ULK4: variants seen among roughly 807,000 people sequenced by gnomAD.
ULK4 encodes unc-51 like kinase 4.
Under a neutral mutation model 160.6 loss-of-function variants are expected in ULK4, and 133 were observed. That is an observed-to-expected ratio of 0.83 (90% CI 0.72 to 0.96). The LOEUF is 0.96. ULK4 is among the 40% of genes least tolerant of loss of function. The pLI is 0.00. For synonymous variants in ULK4, 534 were observed against 539.8 expected, an observed-to-expected ratio of 0.99 and a Z score of 0.15; for missense variants, 1,580 against 1,499.5, an observed-to-expected ratio of 1.05 and a Z score of -0.89.
At chr3:41,625,306 G>A (rs1304554681) in intron 30 of ULK4, among the ~76,000 whole-genome samples, 1 of 151,970 alleles carries the variant, frequency 6.6e-6, no homozygotes, top group African/African-American at 2.4e-5. Flanking sequence ...TGATATCCAC[G>A]GATTTAAGGA....
At chr3:41,376,527 C>G (rs1269059308) in intron 35 of ULK4, among the ~76,000 whole-genome samples, 1 of 149,982 alleles carries the variant, frequency 6.7e-6, no homozygotes, top group African/African-American at 2.5e-5. Context: ...TCAGCAAAGT[C>G]TCAGGATACA....
intron 35 of ULK4, among the ~76,000 whole-genome samples, chr3:41,328,997 A>G (rs10212411): frequency 0.24 from 36,021 of 152,134 alleles, 4,420 homozygotes; most frequent in African/African-American, 0.27. Flanking sequence ...TCACCACCAC[A>G]ATCAAGATAA....
At chr3:41,411,889 G>A (rs1177321089) in intron 34 of ULK4, among the ~76,000 whole-genome samples, 2 of 151,812 alleles carry the variant, frequency 1.3e-5, no homozygotes, top group African/African-American at 4.8e-5. Flanking sequence ...CTGAAATTAC[G>A]AAGACAGACA....
At chr3:41,662,341 G>A (rs1019339196) in intron 30 of ULK4, among the ~76,000 whole-genome samples, 51 of 152,262 alleles carry the variant, frequency 3.3e-4, no homozygotes, top group Middle Eastern at 3.4e-3. Flanking sequence ...TATTTGCATG[G>A]CATCCTTTGG....
intron 35 of ULK4, among the ~76,000 whole-genome samples, chr3:41,279,255 T>TAAAAAAAAAAAAAAAAAAAAAAAA (rs771175184): frequency 2.3e-5 from 1 of 43,072 alleles, no homozygotes; most frequent in Non-Finnish European, 4.3e-5. Context: ...AAAAAAAGAG[T>TAAAAAAAAAAAAAAAAAAAAAAAA]AAAAAAAAAA....
chr3:41,520,848 T>G (rs1479948298), intron 32 of ULK4, among the ~76,000 whole-genome samples: 1 of 152,264 alleles, frequency 6.6e-6, no homozygotes, highest in African/African-American at 2.4e-5. Context: ...AGCAGCCATT[T>G]GTATACTGTC....
intron 31 of ULK4, among the ~76,000 whole-genome samples, chr3:41,596,414 G>A (rs1309285819): frequency 1.3e-5 from 2 of 152,196 alleles, no homozygotes; most frequent in African/African-American, 4.8e-5. Context: ...TCTGGCAGAT[G>A]AGTAAGATAC....
Position 41,475,419 on chromosome 3 carries a change from T to C in ULK4, c.3227-12166A>G, listed in dbSNP as rs1375052181. The stretch of plus-strand genomic sequence containing the variant: ...AAATAAGATTTTTTTCTTTGACATA[T>C]AATGCACAGCATGGTGAATATAGTA... On this transcript the variant is annotated intron_variant, in intron 32 of 36. Transcript: ENST00000301831. Among the ~76,000 whole-genome samples, 3 of 152,164 alleles carry C rather than the reference T, an allele frequency of 2.0e-5. No individual in the cohort carries two copies. The East Asian group carries it at 5.8e-4, about 29-fold the overall frequency.
At chr3:41,851,153 C>T (rs1043650157) in intron 17 of ULK4, among the ~76,000 whole-genome samples, 1 of 152,082 alleles carries the variant, frequency 6.6e-6, no homozygotes, top group African/African-American at 2.4e-5. Context: ...CTGTCTTGTG[C>T]CAGTTTTCAA....
chr3:41,444,089 G>C (rs901683741), intron 34 of ULK4, among the ~76,000 whole-genome samples: 4 of 152,050 alleles, frequency 2.6e-5, no homozygotes, highest in Admixed American at 6.6e-5. Context: ...ACATTAAAAG[G>C]CATAAATAAT....
intron 33 of ULK4, among the ~76,000 whole-genome samples, chr3:41,461,191 A>G (rs1405795158): frequency 6.6e-6 from 1 of 152,130 alleles, no homozygotes; most frequent in East Asian, 1.9e-4. Flanking sequence ...TCCCTGGAAA[A>G]GTGCTTTGTG....
intron 27 of ULK4, among the ~76,000 whole-genome samples, chr3:41,686,486 G>C (rs984908391): frequency 2.8e-5 from 4 of 145,348 alleles, no homozygotes; most frequent in Non-Finnish European, 1.5e-5. Flanking sequence ...TCTTTTATGT[G>C]TGTGTGTGTG....
chr3:41,873,710 T>C (rs1276359885), intron 17 of ULK4, among the ~76,000 whole-genome samples: 3 of 152,194 alleles, frequency 2.0e-5, no homozygotes, highest in South Asian at 4.1e-4. Context: ...TGCACCATCA[T>C]GCCTAACTAA....
At chr3:41,838,999 A>G (rs539848159) in intron 17 of ULK4, among the ~76,000 whole-genome samples, 3 of 152,346 alleles carry the variant, frequency 2.0e-5, no homozygotes, top group African/African-American at 4.8e-5. Flanking sequence ...TTCAAGATCT[A>G]TTGCACAGCA....
At chr3:41,945,006 A>G (rs1222235982) in intron 2 of ULK4, among the ~76,000 whole-genome samples, 1 of 152,232 alleles carries the variant, frequency 6.6e-6, no homozygotes, top group Non-Finnish European at 1.5e-5. Context: ...AGGGGCCTAC[A>G]TAATTCCAGA....
chr3:41,746,605 C>T (rs2038432374), intron 22 of ULK4, among the ~76,000 whole-genome samples: 1 of 151,490 alleles, frequency 6.6e-6, no homozygotes, highest in Non-Finnish European at 1.5e-5. Flanking sequence ...GCAAGCCCAG[C>T]AAGGTTTTGG....
intron 35 of ULK4, among the ~76,000 whole-genome samples, chr3:41,315,641 G>A (rs368524751): frequency 6.6e-6 from 1 of 152,190 alleles, no homozygotes; most frequent in Admixed American, 6.5e-5. Flanking sequence ...TCCCGGCTCG[G>A]CACTACAGAA....
At chr3:41,785,570 CG>C (rs1171870390) in intron 21 of ULK4, among the ~76,000 whole-genome samples, 1 of 151,964 alleles carries the variant, frequency 6.6e-6, no homozygotes, top group Non-Finnish European at 1.5e-5. Flanking sequence ...AATATATGAG[CG>C]TCAATCCCGC....
chr3:41,835,720 T>C (rs1346160413), intron 18 of ULK4, 144 bp downstream of exon 18: 1 of 538,630 alleles, frequency 1.9e-6, no homozygotes, highest in Non-Finnish European at 3.3e-6. Flanking sequence ...ACAAATTCTC[T>C]CCCCAAGAGG....
Sources: gnomAD v4.1 joint callset for allele counts (sites outside exome capture counted in the v4.1 genomes callset) on GRCh38, gnomAD v4.1.1 for gene constraint, MANE v1.5 for transcripts, NCBI Gene and HGNC (gene_info 2026-07-23, HGNC 2026-07-21) for gene names.